NPIPA6: variants seen among roughly 807,000 people sequenced by gnomAD.
NPIPA6 encodes nuclear pore complex-interacting protein family member A6.
chr16:16,343,715 G>A, the NPIPA6 span, among the ~76,000 whole-genome samples: 1 of 48,984 alleles, frequency 2.0e-5, no homozygotes, highest in East Asian at 8.5e-4. Flanking sequence ...CTTGTGTGTT[G>A]TGTGTGTGTG....
the NPIPA6 span, among the ~76,000 whole-genome samples, chr16:16,343,383 A>C: frequency 1.9e-5 from 1 of 51,754 alleles, no homozygotes; most frequent in Non-Finnish European, 3.7e-5. Flanking sequence ...GAGCTACCGC[A>C]CCTGGCCTAT....
chr16:16,343,395 T>TA, the NPIPA6 span, among the ~76,000 whole-genome samples: 1 of 35,322 alleles, frequency 2.8e-5, no homozygotes, highest in Non-Finnish European at 5.2e-5. Flanking sequence ...CTGGCCTATA[T>TA]ATTTTTTTTT....
At chr16:16,344,219 C>T in the NPIPA6 span, 1 of 13,088 alleles carries the variant, frequency 7.6e-5, no homozygotes. Context: ...TTCTTGCCCT[C>T]AGGTTTCTCA....
At chr16:16,343,475 C>T in the NPIPA6 span, among the ~76,000 whole-genome samples, 1 of 62,136 alleles carries the variant, frequency 1.6e-5, no homozygotes, top group Non-Finnish European at 3.1e-5. Flanking sequence ...CAGCTCAACA[C>T]AACCTTTTCC....
At chr16:16,343,702 AT>A in the NPIPA6 span, among the ~76,000 whole-genome samples, 1 of 112,428 alleles carries the variant, frequency 8.9e-6, no homozygotes, top group Non-Finnish European at 1.8e-5. Context: ...GCCTCATGTC[AT>A]TCTTGTGTGT....
the NPIPA6 span, chr16:16,336,578 C>CA: frequency 4.6e-6 from 1 of 216,726 alleles, no homozygotes; most frequent in African/African-American, 4.0e-5. Flanking sequence ...CTTCCCCTCC[C>CA]CCTCCCCTCC....
chr16:16,332,000 C>A, the NPIPA6 span: 1 of 337,374 alleles, frequency 3.0e-6, no homozygotes, highest in Non-Finnish European at 5.0e-6. Context: ...GGCTGGGGAC[C>A]CGGGAGTACT....
the NPIPA6 span, among the ~76,000 whole-genome samples, chr16:16,336,377 GC>G: frequency 8.1e-4 from 25 of 30,872 alleles, no homozygotes; most frequent in African/African-American, 3.0e-3. Flanking sequence ...TAAGCCTCAC[GC>G]TCCCTTGCCC....
the NPIPA6 span, chr16:16,336,693 C>T: frequency 3.6e-5 from 3 of 82,516 alleles, no homozygotes; most frequent in East Asian, 6.7e-4. Context: ...CTGAAAGGAC[C>T]AGGACATGCG....
the NPIPA6 span, among the ~76,000 whole-genome samples, chr16:16,342,853 A>AG: frequency 1.7e-5 from 1 of 58,714 alleles, no homozygotes; most frequent in Non-Finnish European, 3.4e-5. Context: ...AGCTGATGTG[A>AG]GGGAAGGGAA....
the NPIPA6 span, among the ~76,000 whole-genome samples, chr16:16,343,713 T>TTGTGTGTGTGTG: frequency 1.2e-5 from 1 of 81,570 alleles, no homozygotes; most frequent in Non-Finnish European, 2.4e-5. Context: ...TTCTTGTGTG[T>TTGTGTGTGTGTG]TGTGTGTGTG....
chr16:16,343,115 A>G, the NPIPA6 span, among the ~76,000 whole-genome samples: 1 of 131,502 alleles, frequency 7.6e-6, no homozygotes, highest in Non-Finnish European at 1.6e-5. Flanking sequence ...TTTTTTTGAG[A>G]CGGAGTCTCA....
At chr16:16,343,093 A>ATT in the NPIPA6 span, among the ~76,000 whole-genome samples, 1 of 86,172 alleles carries the variant, frequency 1.2e-5, no homozygotes, top group Non-Finnish European at 2.3e-5. Context: ...TATTCATGTC[A>ATT]TTTTTTTTTT....
chr16:16,343,380 C>T, the NPIPA6 span, among the ~76,000 whole-genome samples: 10 of 64,184 alleles, frequency 1.6e-4, no homozygotes, highest in Admixed American at 2.5e-4. Context: ...CGTGAGCTAC[C>T]GCACCTGGCC....
At chr16:16,338,350 A>G in the NPIPA6 span, among the ~76,000 whole-genome samples, 2 of 101,222 alleles carry the variant, frequency 2.0e-5, no homozygotes, top group Non-Finnish European at 3.8e-5. Context: ...ATCCCACGCT[A>G]TTCATGCCAT....
the NPIPA6 span, among the ~76,000 whole-genome samples, chr16:16,337,239 T>G: frequency 8.9e-4 from 101 of 114,118 alleles, 25 homozygotes; most frequent in African/African-American, 3.8e-3. Context: ...TTTTTTTTTT[T>G]TTTAAGACAG....
the NPIPA6 span, among the ~76,000 whole-genome samples, chr16:16,333,394 T>TC: frequency 4.5e-5 from 4 of 88,284 alleles, no homozygotes; most frequent in African/African-American, 5.3e-5. Flanking sequence ...AGAGCGAGAC[T>TC]CCATCTAAAA....
At chr16:16,343,880 C>T in the NPIPA6 span, among the ~76,000 whole-genome samples, 481 of 26,632 alleles carry the variant, frequency 0.018, no homozygotes, top group African/African-American at 0.093. Context: ...CTGCCATGCC[C>T]GGCTAATTTT....
chr16:16,348,889 T>A, the NPIPA6 span: 27 of 924,780 alleles, frequency 2.9e-5, 8 homozygotes, highest in Admixed American at 6.9e-4. Context: ...TGTTGGTAAC[T>A]GTGTTGCGCA....
Sources: allele counts gnomAD v4.1 joint callset (sites outside exome capture counted in the v4.1 genomes callset), GRCh38; gene constraint gnomAD v4.1.1; transcripts MANE v1.5; gene names NCBI Gene and HGNC (gene_info 2026-07-23, HGNC 2026-07-21).